FCHSD2: variants seen among roughly 807,000 people sequenced by gnomAD.
FCHSD2 encodes FCH and double SH3 domains 2, also known as F-BAR and double SH3 domains protein 2.
FCHSD2 carries 38 observed loss-of-function variants against 108.1 expected under a neutral mutation model. The ratio of observed to expected loss-of-function variants is 0.35; its 90% confidence interval spans 0.27 to 0.46. FCHSD2 has a LOEUF of 0.46. Among genes scored for constraint, FCHSD2 ranks in the 20% least tolerant of loss-of-function variants. The probability of loss-of-function intolerance (pLI) is 1.00; values close to 1 mark genes in which losing one functional copy is unlikely to be tolerated. For missense variants in FCHSD2, 751 were observed against 897.8 expected (o/e 0.84, Z 2.09); for synonymous variants, 279 against 314.7 (o/e 0.89, Z 1.20).
chr11:72,983,280 C>T (rs1431459884), intron 8 of FCHSD2, among the ~76,000 whole-genome samples: 5 of 147,688 alleles, frequency 3.4e-5, no homozygotes, highest in Non-Finnish European at 7.5e-5. Flanking sequence ...GGCGACAGAG[C>T]GAGACTCCGT....
intron 3 of FCHSD2, among the ~76,000 whole-genome samples, chr11:73,045,599 T>G (rs1301658553): frequency 4.0e-5 from 6 of 150,564 alleles, no homozygotes; most frequent in Non-Finnish European, 8.9e-5. Context: ...TAAAAAATGA[T>G]GAGTTCATGT....
intron 3 of FCHSD2, among the ~76,000 whole-genome samples, chr11:73,075,882 G>A (rs886606752): frequency 2.0e-5 from 3 of 152,022 alleles, no homozygotes; most frequent in Non-Finnish European, 4.4e-5. Context: ...ACAATGGGAG[G>A]CCAACGCAGT....
intron 12 of FCHSD2, among the ~76,000 whole-genome samples, chr11:72,884,690 A>C (rs1855161447): frequency 6.6e-6 from 1 of 151,820 alleles, no homozygotes; most frequent in African/African-American, 2.4e-5. Context: ...ACTGCAGACC[A>C]ACCTTCCAGG....
At chr11:73,004,977 A>G (rs1382134817) in intron 4 of FCHSD2, among the ~76,000 whole-genome samples, 1 of 152,136 alleles carries the variant, frequency 6.6e-6, no homozygotes, top group African/African-American at 2.4e-5. Flanking sequence ...CTGCACCCAT[A>G]CATTATGCCA....
intron 3 of FCHSD2, among the ~76,000 whole-genome samples, chr11:73,051,779 A>G (rs1270436905): frequency 1.3e-5 from 2 of 152,132 alleles, no homozygotes; most frequent in Non-Finnish European, 2.9e-5. Context: ...TGCAAAGCCA[A>G]CAGAAGCAAA....
At chr11:73,078,962 A>G (rs1251100148) in intron 3 of FCHSD2, among the ~76,000 whole-genome samples, 1 of 152,092 alleles carries the variant, frequency 6.6e-6, no homozygotes, top group Admixed American at 6.6e-5. Flanking sequence ...AAAGTGATCA[A>G]TATGATCTGG....
At chr11:73,135,314 C>T (rs577366815) in intron 2 of FCHSD2, among the ~76,000 whole-genome samples, 78 of 152,308 alleles carry the variant, frequency 5.1e-4, no homozygotes, top group African/African-American at 1.9e-3. Flanking sequence ...ATATAATTCA[C>T]TTCATTTCAC....
chr11:72,843,623 T>C, intron 14 of FCHSD2, 91 bp from the exon 15 acceptor site: 5 of 796,308 alleles, frequency 6.3e-6, no homozygotes, highest in Admixed American at 2.3e-5. Context: ...GATCAAAATA[T>C]TGAAATGATT....
intron 3 of FCHSD2, among the ~76,000 whole-genome samples, chr11:73,025,460 AG>A (rs1858205377): frequency 6.6e-6 from 1 of 152,116 alleles, no homozygotes; most frequent in African/African-American, 2.4e-5. Context: ...GCACACATAG[AG>A]GGGAACAACA....
intron 6 of FCHSD2, among the ~76,000 whole-genome samples, chr11:72,988,148 A>C (rs1857344869): frequency 1.3e-5 from 2 of 152,140 alleles, no homozygotes; most frequent in African/African-American, 2.4e-5. Flanking sequence ...AGGTGTTCAA[A>C]GCCTTTCTGA....
intron 8 of FCHSD2, among the ~76,000 whole-genome samples, chr11:72,924,483 C>T (rs1361444194): frequency 1.3e-5 from 2 of 150,946 alleles, no homozygotes. Context: ...GGGGTTTCAC[C>T]GTGTTAGCCA....
intron 2 of FCHSD2, among the ~76,000 whole-genome samples, chr11:73,092,709 A>G (rs767569586): frequency 4.6e-5 from 7 of 152,192 alleles, no homozygotes; most frequent in Admixed American, 3.9e-4. Flanking sequence ...CAAGATCACA[A>G]TCTACATCCA....
chr11:73,107,251 C>T (rs1244814294), intron 2 of FCHSD2, among the ~76,000 whole-genome samples: 1 of 152,188 alleles, frequency 6.6e-6, no homozygotes, highest in African/African-American at 2.4e-5. Context: ...GACAGGGTTT[C>T]ACCATGTTGG....
intron 3 of FCHSD2, among the ~76,000 whole-genome samples, chr11:73,041,185 A>C (rs1316324275): frequency 6.6e-6 from 1 of 152,208 alleles, no homozygotes; most frequent in Non-Finnish European, 1.5e-5. Context: ...GTGCTGCAAC[A>C]AACTTGGGGG....
In FCHSD2 at chr11:72,960,542, T is replaced by G. The variant is rs1350099214; in HGVS notation, c.705+23546A>C. 1.3e-5 allele frequency among the ~76,000 whole-genome samples: 2 copies of G among 152,232 alleles called. 1 individual carries two copies. The highest frequency in any genetic ancestry group is 3.8e-4 in the East Asian group (2 of 5,202). On this transcript the variant is annotated intron_variant, in intron 8 of 19. Coordinates refer to ENST00000409418, the MANE Select transcript of FCHSD2 (RefSeq NM_014824.3). ...GTGACTGATAATGGATTATGGCACT[T>G]GAGCCTAGCAGTTTCATAATACTTC...
chr11:72,988,025 G>A (rs915294660), intron 6 of FCHSD2, among the ~76,000 whole-genome samples: 1 of 152,224 alleles, frequency 6.6e-6, no homozygotes, highest in African/African-American at 2.4e-5. Context: ...ACCAGCCCTT[G>A]ATAAACCGCG....
intron 6 of FCHSD2, among the ~76,000 whole-genome samples, chr11:72,985,410 C>T (rs1157551182): frequency 6.7e-6 from 1 of 149,186 alleles, no homozygotes; most frequent in Non-Finnish European, 1.5e-5. Flanking sequence ...ATATTGGTGT[C>T]TCCTAATAAA....
chr11:73,094,917 G>C (rs1860041227), intron 2 of FCHSD2, among the ~76,000 whole-genome samples: 1 of 152,130 alleles, frequency 6.6e-6, no homozygotes, highest in Non-Finnish European at 1.5e-5. Context: ...TTGTAAGTCT[G>C]GCAGAAAGCA....
At chr11:73,136,127 T>G (rs1054577848) in intron 2 of FCHSD2, among the ~76,000 whole-genome samples, 2 of 148,726 alleles carry the variant, frequency 1.3e-5, no homozygotes, top group Non-Finnish European at 3.0e-5. Context: ...ACCACTGCAT[T>G]CCAGCCTGGG....
Sources: allele counts gnomAD v4.1 joint callset (sites outside exome capture counted in the v4.1 genomes callset), GRCh38; gene constraint gnomAD v4.1.1; transcripts MANE v1.5; gene names NCBI Gene and HGNC (gene_info 2026-07-23, HGNC 2026-07-21).